HECTD2: variants seen among roughly 807,000 people sequenced by gnomAD.
HECTD2 encodes probable E3 ubiquitin-protein ligase HECTD2.
HECTD2 carries 35 observed loss-of-function variants against 103.2 expected under a neutral mutation model. The observed-to-expected ratio is 0.34, with a 90% CI of 0.26 to 0.45. HECTD2 has a LOEUF of 0.45. Among genes scored for constraint, HECTD2 ranks in the 20% least tolerant of loss-of-function variants. The pLI is 1.00. For missense variants in HECTD2, 596 were observed against 937.4 expected (o/e 0.64, Z 4.76); for synonymous variants, 281 against 329.9 (o/e 0.85, Z 1.61).
chr10:91,461,331 T>C lies in HECTD2; in HGVS notation c.485T>C (p.Phe162Ser). 6.6e-7 allele frequency: 1 copy of C among 1,526,598 alleles called. No homozygotes were observed. Among genetic ancestry groups the C allele is most frequent in the Non-Finnish European group, 8.9e-7 (1 of 1,125,394 alleles). The allele number at this position is 1,526,598 out of a possible 1,614,324, so 94.6% of individuals were successfully genotyped here. ...HDFYLTTFDS[F>S]PELNAAFKKD... ...TTTTATCTAACAACGTTTGATTCTT[T>C]CCCAGAATTAAATGCTGCATTTAAG... Residue 162 changes from phenylalanine (F) to serine (S), a missense_variant, in exon 4 of 21, where the codon TTC becomes TCC. This residue lies in a region of HECTD2 where 220 missense variants were observed against 233.9 expected (regional missense o/e 0.94). Transcript: ENST00000298068.
chr10:91,458,930 G>A (rs7087338), intron 2 of HECTD2, among the ~76,000 whole-genome samples: 1 of 151,832 alleles, frequency 6.6e-6, no homozygotes, highest in African/African-American at 2.4e-5. Flanking sequence ...CTGTGCAGAG[G>A]ATGAAAAGAC....
At chr10:91,488,967 G>A (rs1263268657) in intron 11 of HECTD2, 1 of 152,130 alleles carries the variant, frequency 6.6e-6, no homozygotes, top group Non-Finnish European at 1.5e-5. Flanking sequence ...GACATTTTCT[G>A]TTAGTTGTAC....
chr10:91,438,850 A>AT (rs1844258678), intron 2 of HECTD2, among the ~76,000 whole-genome samples: 1 of 151,824 alleles, frequency 6.6e-6, no homozygotes, highest in African/African-American at 2.4e-5. Context: ...TTTTTTTCAT[A>AT]TGTTTGTTGG....
rs200289813 is a variant in HECTD2, at chr10:91,500,470, A to G, written c.1951-32A>G. 1,431 of 1,027,220 alleles carry G rather than the reference A, an allele frequency of 1.4e-3. 28 individuals are homozygous for G. Among genetic ancestry groups the G allele is most frequent in the Middle Eastern group, 1.4e-3 (7 of 4,936 alleles). 63.6% of individuals were successfully genotyped at this position (1,027,220 alleles called of 1,614,324 possible). On this transcript the variant is annotated intron_variant, in intron 18 of 20. Coordinates refer to ENST00000298068, the MANE Select transcript of HECTD2 (RefSeq NM_182765.6). ...GTTTCACTTAAAACCATCACTCTTT[A>G]ATTATTGTTTTTGATAAATAATTAT... is the stretch of plus-strand genomic sequence containing the variant.
chr10:91,468,957 A>AC (rs35529459), intron 5 of HECTD2, among the ~76,000 whole-genome samples: 32 of 151,338 alleles, frequency 2.1e-4, no homozygotes, highest in East Asian at 3.9e-4. Flanking sequence ...AAAAAAAAAA[A>AC]CAAGAGTACA....
intron 1 of HECTD2, among the ~76,000 whole-genome samples, chr10:91,418,875 C>A (rs570775068): frequency 1.3e-5 from 2 of 152,210 alleles, no homozygotes; most frequent in Admixed American, 1.3e-4. Context: ...GTTTATTTAT[C>A]AGTCTTTTGT....
At position 91,487,627 on chromosome 10, in the gene HECTD2, T is replaced by C. The variant is rs895066002; in HGVS notation, c.1095-55T>C. The C allele has an allele frequency of 9.2e-7, 1 of 1,084,358 alleles. No individual in the cohort carries two copies. The highest frequency in any genetic ancestry group is 1.2e-5 in the South Asian group (1 of 80,568). 67.2% of individuals were successfully genotyped at this position (1,084,358 alleles called of 1,614,324 possible). A position where few individuals can be genotyped will look rare whatever the true frequency, so the allele number is the denominator to read the frequency against. The stretch of plus-strand genomic sequence containing the variant: ...AGGGGTACCTTAGATTCCCTTAGTA[T>C]AATTTTGTTAAAAATACACCATTTT... On this transcript the variant is annotated intron_variant, in intron 10 of 20. Transcript: ENST00000298068. The surrounding 1 kb of genome is among the most constrained non-coding windows in gnomAD (Gnocchi z 4.1).
At chr10:91,489,661 C>T (rs1314437386) in intron 11 of HECTD2, 2 of 152,196 alleles carry the variant, frequency 1.3e-5, no homozygotes, top group East Asian at 1.9e-4. Flanking sequence ...TAGGAAAAAA[C>T]GGTCTGTAAC....
At chr10:91,444,930 T>C (rs1844534837) in intron 2 of HECTD2, among the ~76,000 whole-genome samples, 1 of 152,206 alleles carries the variant, frequency 6.6e-6, no homozygotes, top group African/African-American at 2.4e-5. Flanking sequence ...GTTTTCCCTT[T>C]CTTTTAATAT....
At chr10:91,489,707 T>C (rs1417642634) in intron 11 of HECTD2, 1 of 152,188 alleles carries the variant, frequency 6.6e-6, no homozygotes, top group Non-Finnish European at 1.5e-5. Context: ...ACTTCCTTGA[T>C]AAGTGAGGAC....
chr10:91,444,922 T>A (rs1356532578), intron 2 of HECTD2, among the ~76,000 whole-genome samples: 1 of 152,204 alleles, frequency 6.6e-6, no homozygotes, highest in Non-Finnish European at 1.5e-5. Flanking sequence ...CAGTAATCGT[T>A]TTCCCTTTCT....
intron 4 of HECTD2, 143 bp from the exon 5 acceptor site, chr10:91,461,952 T>C (rs1404217678): frequency 1.6e-6 from 1 of 610,014 alleles, no homozygotes; most frequent in Admixed American, 3.4e-5. Flanking sequence ...TTCTTTTTAT[T>C]TTCAGAAATT....
chr10:91,415,825 T>C (rs552846150), intron 1 of HECTD2, among the ~76,000 whole-genome samples: 2 of 152,354 alleles, frequency 1.3e-5, no homozygotes. Flanking sequence ...TTCTAGGATA[T>C]CTATTTGCTT....
intron 11 of HECTD2, chr10:91,489,406 A>G (rs1434789753): frequency 6.6e-6 from 1 of 152,216 alleles, no homozygotes; most frequent in Non-Finnish European, 1.5e-5. Context: ...CTTATATGGT[A>G]CAATCTAAAT....
intron 6 of HECTD2, 95 bp from the exon 7 acceptor site, chr10:91,480,994 TCTCAA>T: frequency 1.4e-6 from 1 of 715,482 alleles, no homozygotes; most frequent in Non-Finnish European, 2.3e-6. Flanking sequence ...TTTTGGCTTT[TCTCAA>T]CTCAGTCTTC....
chr10:91,457,920 A>G (rs1055698855), intron 2 of HECTD2, among the ~76,000 whole-genome samples: 2 of 151,756 alleles, frequency 1.3e-5, no homozygotes, highest in Non-Finnish European at 2.9e-5. Context: ...CAGTGCTGCA[A>G]ATTTTAGCCG....
At chr10:91,504,835 CA>C (rs1320160534) in intron 20 of HECTD2, among the ~76,000 whole-genome samples, 1 of 151,800 alleles carries the variant, frequency 6.6e-6, no homozygotes, top group Non-Finnish European at 1.5e-5. Context: ...TCAGATTCAC[CA>C]AAGTTGAAAT....
chr10:91,424,376 AAGG>A (rs1217373337), intron 1 of HECTD2, among the ~76,000 whole-genome samples: 3 of 152,132 alleles, frequency 2.0e-5, no homozygotes, highest in African/African-American at 7.2e-5. Context: ...GTGAATTAAG[AAGG>A]AGGAGATGAA....
At chr10:91,488,314 G>T (rs1469868193) in intron 11 of HECTD2, 1 of 152,836 alleles carries the variant, frequency 6.5e-6, no homozygotes, top group Non-Finnish European at 1.5e-5. Flanking sequence ...AGAGGCTGGG[G>T]ATAGCAAGCA....
Sources: allele counts gnomAD v4.1 joint callset (sites outside exome capture counted in the v4.1 genomes callset), GRCh38; gene constraint gnomAD v4.1.1; regional missense constraint gnomAD v4.1.1; non-coding constraint Gnocchi (gnomAD v3.1); transcripts MANE v1.5; gene names NCBI Gene and HGNC (gene_info 2026-07-23, HGNC 2026-07-21).